DIDO1: variants seen among roughly 807,000 people sequenced by gnomAD.
The protein encoded by DIDO1 is death-inducer obliterator 1.
Under a neutral mutation model 99.4 loss-of-function variants are expected in DIDO1, and 16 were observed. The observed-to-expected ratio is 0.16, with a 90% CI of 0.11 to 0.24. The LOEUF (loss-of-function observed/expected upper bound fraction) is 0.24, where lower values mean the gene tolerates loss of function less well. Ranked by LOEUF, DIDO1 falls within the 10% of genes least tolerant of loss-of-function variation. DIDO1 has a pLI of 1.00. For missense variants in DIDO1, 2,996 were observed against 3,014.0 expected, an observed-to-expected ratio of 0.99 and a Z score of 0.14; for synonymous variants, 1,366 against 1,239.1, an observed-to-expected ratio of 1.10 and a Z score of -2.15.
At chr20:62,930,429 A>G (rs1449573541), upstream of DIDO1, among the ~76,000 whole-genome samples, 2 of 152,268 alleles carry the variant, frequency 1.3e-5, no homozygotes, top group African/African-American at 4.8e-5. Context: ...GAAAAGGGCC[A>G]GGAAACAAAA....
upstream of DIDO1, among the ~76,000 whole-genome samples, chr20:62,928,146 T>C (rs372592867): frequency 2.2e-4 from 34 of 152,260 alleles, no homozygotes; most frequent in African/African-American, 7.2e-4. Context: ...CACAATTTGT[T>C]TCTGCAAGAC....
At chr20:62,909,153 G>A (rs1341407126) in intron 4 of DIDO1, among the ~76,000 whole-genome samples, 3 of 152,246 alleles carry the variant, frequency 2.0e-5, no homozygotes, top group Non-Finnish European at 2.9e-5. Flanking sequence ...GGACAGGCCC[G>A]GGACCCTGGA....
Position 62,894,788 on chromosome 20 carries a change from A to G in DIDO1, c.2436+22T>C, listed in dbSNP as rs1181341666. 1 of 1,601,336 alleles carries G rather than the reference A, an allele frequency of 6.2e-7. No homozygotes were observed. The highest frequency in any genetic ancestry group is 8.5e-7 in the Non-Finnish European group (1 of 1,175,122). On this transcript the variant is annotated intron_variant, in intron 10 of 15. Transcript: ENST00000395343. This position sits in a 1 kb window ranked among gnomAD's most constrained non-coding sequence, Gnocchi z 4.4. ...ATGGATTAGTCTATTCTCGGTGAACACAAAATCTCCCAAATGCTTACCTCT... is the reference window on the plus strand; with the variant it reads ...ATGGATTAGTCTATTCTCGGTGAACGCAAAATCTCCCAAATGCTTACCTCT...
At position 62,881,004 on chromosome 20, in the gene DIDO1, G is replaced by C. The variant is rs780424414; in HGVS notation, c.4952C>G (p.Ser1651Trp). ...GTRPATVGDS[S>W]ARPARRVLLP... ...CAGCACCCTCCGGGCAGGCCTGGCC[G>C]AGCTGTCTCCAACCGTGGCGGGGCG... is the stretch of plus-strand genomic sequence containing the variant. Residue 1651 changes from serine (S) to tryptophan (W), a missense_variant, in exon 16 of 16, where the codon TCG becomes TGG. Transcript: ENST00000395343. The surrounding 1 kb of genome is among the most constrained non-coding windows in gnomAD (Gnocchi z 8.3). 5.0e-6 allele frequency: 8 copies of C among 1,605,604 alleles called. No homozygotes were observed. Among genetic ancestry groups the C allele is most frequent in the Non-Finnish European group, 6.8e-6 (8 of 1,178,802 alleles).
intron 14 of DIDO1, 141 bp from the exon 15 acceptor site, chr20:62,891,296 T>A: frequency 7.1e-7 from 1 of 1,417,104 alleles, no homozygotes. Context: ...GCTGTCTCAG[T>A]GAGGCAATTC....
Position 62,881,627 on chromosome 20 carries a change from G to A in DIDO1, c.4329C>T (p.Asp1443=), listed in dbSNP as rs80326045. The change falls in exon 16 of 16, where the codon GAC becomes GAT. Residue 1443 remains aspartate (D), a synonymous_variant. Coordinates refer to ENST00000395343, the MANE Select transcript of DIDO1 (RefSeq NM_001193369.2). This position sits in a 1 kb window ranked among gnomAD's most constrained non-coding sequence, Gnocchi z 8.3. ...CGTCGGCACACATCCTGTTGGGCAG[G>A]TCATCAACAGTCACTTTCGCTTCTT... is the stretch of plus-strand genomic sequence containing the variant. ...ILEEAKVTVD[D]LPNRMCADVR... is the part of the protein sequence containing the mutation. 7,531 of 1,612,542 alleles carry A rather than the reference G, an allele frequency of 4.7e-3. 300 individuals are homozygous for A. In the African/African-American group the frequency reaches 0.089, roughly 19 times the overall value.
At position 62,922,180 on chromosome 20, in the gene DIDO1, GTA is replaced by G. The variant is rs1045286852; in HGVS notation, c.-200+4257_-200+4258del. On this transcript the variant is annotated intron_variant, in intron 1 of 15. Coordinates refer to ENST00000395343, the MANE Select transcript of DIDO1 (RefSeq NM_001193369.2). ...CAAACAATGCCCGGCTCTTTTATAT[GTA>G]TGTGTGTGTGTGTGTATATATATAT... Among the ~76,000 whole-genome samples the G allele has an allele frequency of 1.6e-3, 229 of 145,974 alleles. No homozygotes were observed. In the Middle Eastern group the frequency reaches 0.018, roughly 12 times the overall value.
chr20:62,904,861 A>T, intron 6 of DIDO1: 2 of 365,794 alleles, frequency 5.5e-6, no homozygotes, highest in Non-Finnish European at 7.5e-6. Flanking sequence ...TGCCTGCATG[A>T]GTGCCTTCCC....
rs2064928812 is a variant in DIDO1, at chr20:62,911,174, C to T, written c.439G>A (p.Asp147Asn). 1 of 1,614,056 alleles carries T rather than the reference C, an allele frequency of 6.2e-7. No individual in the cohort carries two copies. The highest frequency in any genetic ancestry group is 8.5e-7 in the Non-Finnish European group (1 of 1,180,044). ...TCACTATCGGAGGTGTCATCGTGGT[C>T]ATCCCCTCCTTTCACCTTTTCAGAA... is the stretch of plus-strand genomic sequence containing the variant. The part of the protein sequence containing the change: ...ASSEKVKGGD[D>N]HDDTSDSDSD... The change falls in exon 3 of 16, where the codon GAC (aspartate) becomes AAC (asparagine). Residue 147 changes from aspartate to asparagine, a missense_variant. Around this residue, in one of 5 missense-constraint regions of DIDO1, gnomAD observed 388 missense variants for 376.6 expected, o/e 1.03. Transcript: ENST00000395343. This position sits in a 1 kb window ranked among gnomAD's most constrained non-coding sequence, Gnocchi z 7.0.
intron 4 of DIDO1, among the ~76,000 whole-genome samples, chr20:62,907,605 C>T (rs971588973): frequency 2.0e-5 from 3 of 152,236 alleles, no homozygotes; most frequent in Admixed American, 6.5e-5. Context: ...CCTGGACTGC[C>T]GCCCTCTGCT....
At chr20:62,882,484 A>C in intron 15 of DIDO1, 70 bp from the exon 16 acceptor site, 1 of 1,422,742 alleles carries the variant, frequency 7.0e-7, no homozygotes, top group Non-Finnish European at 9.6e-7. Context: ...GGTGAATTTC[A>C]TTAAGGGCTT....
intron 15 of DIDO1, chr20:62,890,544 C>T (rs1380749745): frequency 4.0e-6 from 4 of 1,007,708 alleles, no homozygotes; most frequent in Non-Finnish European, 4.7e-6. Flanking sequence ...GGAAATCCAT[C>T]CCTGTTAGAG....
chr20:62,911,161 G>T lies in DIDO1; in HGVS notation c.452C>A (p.Thr151Asn), dbSNP rs866085072. 1.2e-6 allele frequency: 2 copies of T among 1,614,074 alleles called. No individual in the cohort carries two copies. The highest frequency in any genetic ancestry group is 3.3e-5 in the Admixed American group (2 of 60,032). Residue 151 changes from threonine to asparagine, a missense_variant, in exon 3 of 16, where the codon ACC becomes AAC. Physicochemically the swap from Thr to Asn is moderately conservative, Grantham distance 65. This residue lies in a region of DIDO1 where 388 missense variants were observed against 376.6 expected (regional missense o/e 1.03). Coordinates refer to ENST00000395343, the MANE Select transcript of DIDO1 (RefSeq NM_001193369.2). This position sits in a 1 kb window ranked among gnomAD's most constrained non-coding sequence, Gnocchi z 7.0. ...KVKGGDDHDD[T>N]SDSDSDGLTL... ...CAGGCCATCGCTGTCACTATCGGAG[G>T]TGTCATCGTGGTCATCCCCTCCTTT...
At chr20:62,904,753 C>T (rs1361260508) in intron 6 of DIDO1, among the ~76,000 whole-genome samples, 1 of 129,748 alleles carries the variant, frequency 7.7e-6, no homozygotes, top group Non-Finnish European at 1.5e-5. Context: ...GCACTCCAGC[C>T]TGGGTGACAG....
chr20:62,905,533 T>G, intron 6 of DIDO1: 2 of 1,551,004 alleles, frequency 1.3e-6, no homozygotes, highest in Non-Finnish European at 1.7e-6. Context: ...CAGGGGTGGA[T>G]GTGGCGTGCC....
At chr20:62,900,843 T>C (rs527777239) in intron 6 of DIDO1, among the ~76,000 whole-genome samples, 1 of 152,336 alleles carries the variant, frequency 6.6e-6, no homozygotes, top group East Asian at 1.9e-4. Flanking sequence ...AAGGGCTGTT[T>C]CTATGCTATG....
intron 1 of DIDO1, among the ~76,000 whole-genome samples, chr20:62,918,177 AG>A (rs2065072348): frequency 6.6e-6 from 1 of 152,258 alleles, no homozygotes; most frequent in African/African-American, 2.4e-5. Flanking sequence ...TCTTCCCAAA[AG>A]GTCAGCTCTG....
Position 62,879,096 on chromosome 20 carries a change from A to G in DIDO1, c.*137T>C, listed in dbSNP as rs1189732907. The G allele has an allele frequency of 1.7e-5, 13 of 753,302 alleles. No individual in the cohort carries two copies. The highest frequency in any genetic ancestry group is 2.3e-5 in the Non-Finnish European group (12 of 522,940). The allele number at this position is 753,302 out of a possible 1,614,324, so 46.7% of individuals were successfully genotyped here. ...AAGATGTGAAATCTTGTAAGAAACC[A>G]TTTACACAAAATTACAGTAATGTTT... On this transcript the variant is annotated 3_prime_UTR_variant, in exon 16 of 16. Coordinates refer to ENST00000395343, the MANE Select transcript of DIDO1 (RefSeq NM_001193369.2). This position sits in a 1 kb window ranked among gnomAD's most constrained non-coding sequence, Gnocchi z 6.3.
chr20:62,924,435 CAG>C (rs957212540), intron 1 of DIDO1, among the ~76,000 whole-genome samples: 1 of 152,150 alleles, frequency 6.6e-6, no homozygotes, highest in African/African-American at 2.4e-5. Flanking sequence ...GTCTTGTTTA[CAG>C]AGATTCCAAA....
Sources: allele counts gnomAD v4.1 joint callset (sites outside exome capture counted in the v4.1 genomes callset), GRCh38; gene constraint gnomAD v4.1.1; regional missense constraint gnomAD v4.1.1; non-coding constraint Gnocchi (gnomAD v3.1); transcripts MANE v1.5; gene names NCBI Gene and HGNC (gene_info 2026-07-23, HGNC 2026-07-21).